The following EXOSC5 variants were observed in gnomAD, a reference collection of about 807,000 sequenced individuals.
EXOSC5 encodes exosome complex component RRP46.
EXOSC5 carries 15 observed loss-of-function variants against 23.7 expected under a neutral mutation model. The observed-to-expected ratio is 0.63, with a 90% CI of 0.42 to 0.97. The LOEUF is 0.97. Among genes scored for constraint, EXOSC5 ranks in the 50% least tolerant of loss-of-function variants. EXOSC5 has a pLI of 0.00. For synonymous variants in EXOSC5, 143 were observed against 140.9 expected (o/e 1.02, Z -0.11); for missense variants, 305 against 316.3 (o/e 0.96, Z 0.27).
chr19:41,394,678 C>T (rs993456539), intron 1 of EXOSC5, among the ~76,000 whole-genome samples: 2 of 152,046 alleles, frequency 1.3e-5, no homozygotes, highest in African/African-American at 2.4e-5. Flanking sequence ...CTACCACATC[C>T]GACTAATTTT....
intron 2 of EXOSC5, 186 bp from the exon 3 acceptor site, chr19:41,392,148 T>C: frequency 1.3e-6 from 1 of 762,356 alleles, no homozygotes; most frequent in Non-Finnish European, 2.0e-6. Context: ...TGACCCCTGC[T>C]ACCTCCAGCA....
intron 5 of EXOSC5, 37 bp downstream of exon 5, chr19:41,387,476 GA>G: frequency 6.6e-7 from 1 of 1,507,996 alleles, no homozygotes; most frequent in South Asian, 1.2e-5. Context: ...CAGTGGGAAG[GA>G]AGGTTCTGGC....
chr19:41,386,664 T>C lies in EXOSC5; in HGVS notation c.677A>G (p.Glu226Gly), dbSNP rs1267326447. ...ASQHVFRFYR[E>G]SLQRRYSKS The stretch of plus-strand genomic sequence containing the variant: ...CTTGGAGTAACGCCTCTGCAGCGAT[T>C]CCCGGTAGAAACGGAAGACGTGTTG... Residue 226 changes from glutamate to glycine, a missense_variant, in exon 6 of 6, where the codon GAA (glutamate) becomes GGA (glycine). Transcript: ENST00000221233. The C allele has an allele frequency of 6.2e-7, 1 of 1,601,574 alleles. No homozygotes were observed. Among genetic ancestry groups the C allele is most frequent in the African/African-American group, 1.3e-5 (1 of 74,878 alleles).
Position 41,389,796 on chromosome 19 carries a change from A to C in EXOSC5, c.494T>G (p.Leu165Arg), listed in dbSNP as rs758201602. ...VACALDSDGTLVLDPTSKQEK... is the reference protein window; with the variant it reads ...VACALDSDGTRVLDPTSKQEK... Reference sequence around the variant, plus strand: ...TTGCTTGGATGTAGGATCCAGCACGAGGGTCCCATCAGAGTCCAGGGCGCA... The same window carrying C: ...TTGCTTGGATGTAGGATCCAGCACGCGGGTCCCATCAGAGTCCAGGGCGCA... Residue 165 changes from leucine (L) to arginine (R), a missense_variant, in exon 4 of 6, where the codon CTC becomes CGC. Coordinates refer to ENST00000221233, the MANE Select transcript of EXOSC5 (RefSeq NM_020158.4). The C allele has an allele frequency of 1.2e-6, 2 of 1,614,054 alleles. No homozygotes were observed. The highest frequency in any genetic ancestry group is 1.7e-6 in the Non-Finnish European group (2 of 1,179,990).
At chr19:41,391,801 A>G (rs1413398727) in intron 3 of EXOSC5, 40 bp downstream of exon 3, 1 of 1,478,186 alleles carries the variant, frequency 6.8e-7, no homozygotes, top group East Asian at 2.7e-5. Flanking sequence ...GGAAGCAATC[A>G]GGAGACTTCC....
At chr19:41,387,457 A>C in intron 5 of EXOSC5, 57 bp downstream of exon 5, 1 of 1,394,522 alleles carries the variant, frequency 7.2e-7, no homozygotes, top group South Asian at 1.4e-5. Context: ...TTGGGACAAG[A>C]CCGTATGTCA....
chr19:41,391,864 G>A lies in EXOSC5; in HGVS notation c.361C>T (p.Gln121Ter). ...ACAGAGCCGGCATCGCTGACAACCTGCAGCACCACGGTGATGGAGGTGCGG... is the reference window on the plus strand; with the variant it reads ...ACAGAGCCGGCATCGCTGACAACCTACAGCACCACGGTGATGGAGGTGCGG... ...HPRTSITVVL[Q>*]VVSDAGSLLA... The change falls in exon 3 of 6, where the codon CAG (glutamine) becomes TAG (stop). Residue 121 changes from glutamine (Q) to a stop codon, truncating the protein, a stop_gained. Transcript: ENST00000221233. LOFTEE classifies it high-confidence loss of function. The A allele has an allele frequency of 6.5e-7, 1 of 1,538,774 alleles. No homozygotes were observed. The highest frequency in any genetic ancestry group is 2.6e-5 in the East Asian group (1 of 38,640).
At chr19:41,392,139 G>T in intron 2 of EXOSC5, 177 bp from the exon 3 acceptor site, 1 of 846,862 alleles carries the variant, frequency 1.2e-6, no homozygotes, top group Non-Finnish European at 1.7e-6. Context: ...GCCATCCACT[G>T]ACCCCTGCTA....
At position 41,397,229 on chromosome 19, in the gene EXOSC5, C is replaced by A. The variant is rs1335231891; in HGVS notation, c.100G>T (p.Glu34Ter). The A allele has an allele frequency of 1.2e-6, 2 of 1,614,058 alleles. No homozygotes were observed. Residue 34 changes from glutamate (E) to a stop codon, truncating the protein, a stop_gained, in exon 1 of 6, where the codon GAA (glutamate) becomes TAA (stop). Coordinates refer to ENST00000221233, the MANE Select transcript of EXOSC5 (RefSeq NM_020158.4). LOFTEE classifies it high-confidence loss of function. ...TCTGGCCGCGACAGCAGGTTCTGTT[C>A]GCAGGCAAAGTGCCGGAGGCTGCAG... ...PGCSLRHFAC[E>*]QNLLSRPDGS... is the part of the protein sequence containing the mutation.
chr19:41,386,635 A>C lies in EXOSC5; in HGVS notation c.706T>G (p.Ter236GlyextTer20). 1 of 1,584,666 alleles carries C rather than the reference A, an allele frequency of 6.3e-7. No homozygotes were observed. The highest frequency in any genetic ancestry group is 8.6e-7 in the Non-Finnish European group (1 of 1,165,418). ...GCGGCCCCTTGCCCCAGCTTGCCTCAGCTCTTGGAGTAACGCCTCTGCAGC... is the reference window on the plus strand; with the variant it reads ...GCGGCCCCTTGCCCCAGCTTGCCTCCGCTCTTGGAGTAACGCCTCTGCAGC... The part of the protein sequence containing the change: ...ESLQRRYSKS[*>G] The change falls in exon 6 of 6, where the codon TGA becomes GGA. Residue 236 changes from the stop codon to glycine, a stop_lost. Transcript: ENST00000221233.
At chr19:41,393,910 C>G (rs1407050110) in intron 1 of EXOSC5, among the ~76,000 whole-genome samples, 3 of 152,176 alleles carry the variant, frequency 2.0e-5, no homozygotes, top group African/African-American at 7.2e-5. Context: ...CTCCCTCTTA[C>G]TGCAGCTGCT....
Position 41,386,592 on chromosome 19 carries a change from T to C in EXOSC5, c.*41A>G, listed in dbSNP as rs1469561621. ...TTTGCTTCAGGCTGTAGGGGGTGAG[T>C]GGGTGGAGGCAATGGGAGCGGCCCC... On this transcript the variant is annotated 3_prime_UTR_variant, in exon 6 of 6. Transcript: ENST00000221233. 6.5e-7 allele frequency: 1 copy of C among 1,543,006 alleles called. No homozygotes were observed. Among genetic ancestry groups the C allele is most frequent in the East Asian group, 2.4e-5 (1 of 41,220 alleles).
At chr19:41,393,145 A>ATAGCAGTCCCTCCCCGC (rs2039036752) in intron 1 of EXOSC5, among the ~76,000 whole-genome samples, 165 bp from the exon 2 acceptor site, 1 of 152,250 alleles carries the variant, frequency 6.6e-6, no homozygotes, top group South Asian at 2.1e-4. Flanking sequence ...AATGGGGAAA[A>ATAGCAGTCCCTCCCCGC]TAGCAGTCCC....
intron 5 of EXOSC5, 112 bp from the exon 6 acceptor site, chr19:41,386,837 TC>T (rs1261775412): frequency 1.2e-6 from 1 of 841,090 alleles, no homozygotes; most frequent in Non-Finnish European, 1.8e-6. Context: ...CTCCCATCAC[TC>T]CCCTGCCCCC....
chr19:41,393,240 C>A (rs2039037487), intron 1 of EXOSC5, among the ~76,000 whole-genome samples: 2 of 152,220 alleles, frequency 1.3e-5, no homozygotes, highest in Admixed American at 6.5e-5. Flanking sequence ...GAATGTGCAA[C>A]AGACTTTAGC....
intron 3 of EXOSC5, 94 bp from the exon 4 acceptor site, chr19:41,389,999 C>G (rs1442322329): frequency 7.9e-6 from 11 of 1,395,592 alleles, no homozygotes; most frequent in African/African-American, 7.5e-5. Flanking sequence ...ATGGTGTGAT[C>G]TCGGCTCACT....
chr19:41,389,426 T>C (rs2039006915), intron 4 of EXOSC5, among the ~76,000 whole-genome samples: 1 of 151,916 alleles, frequency 6.6e-6, no homozygotes, highest in African/African-American at 2.4e-5. Context: ...CCACCACACC[T>C]GGCTAATTTT....
chr19:41,393,629 G>A (rs1212710201), intron 1 of EXOSC5, among the ~76,000 whole-genome samples: 1 of 151,576 alleles, frequency 6.6e-6, no homozygotes, highest in East Asian at 1.9e-4. Context: ...GCGTAATCTC[G>A]GCTCACCGCA....
chr19:41,391,763 C>T, intron 3 of EXOSC5, 78 bp downstream of exon 3: 1 of 1,440,754 alleles, frequency 6.9e-7, no homozygotes, highest in Non-Finnish European at 9.1e-7. Context: ...TTCTGGCTAG[C>T]AGTGAGGGTA....
Sources: allele counts gnomAD v4.1 joint callset (sites outside exome capture counted in the v4.1 genomes callset), GRCh38; gene constraint gnomAD v4.1.1; transcripts MANE v1.5; gene names NCBI Gene and HGNC (gene_info 2026-07-23, HGNC 2026-07-21).